TSPEAR: variants seen among roughly 807,000 people sequenced by gnomAD.
TSPEAR encodes the protein thrombospondin type laminin G domain and EAR repeats, also known as thrombospondin-type laminin G domain and EAR repeat-containing protein.
Under a neutral mutation model 71.6 loss-of-function variants are expected in TSPEAR, and 69 were observed. The observed-to-expected ratio is 0.96, with a 90% CI of 0.79 to 1.18. The LOEUF is 1.18. TSPEAR is among the 50% of genes most tolerant of loss of function. TSPEAR has a pLI of 0.00. For synonymous variants in TSPEAR, 402 were observed against 387.2 expected, an observed-to-expected ratio of 1.04 and a Z score of -0.45; for missense variants, 971 against 894.9, an observed-to-expected ratio of 1.09 and a Z score of -1.09.
chr21:44,550,776 G>T lies in TSPEAR; in HGVS notation c.304-16853C>A, dbSNP rs782450422. 7.4e-6 allele frequency: 12 copies of T among 1,614,224 alleles called. No individual in the cohort carries two copies. Among genetic ancestry groups the T allele is most frequent in the Non-Finnish European group, 1.0e-5 (12 of 1,180,034 alleles). On this transcript the variant is annotated intron_variant, in intron 2 of 11. Transcript: ENST00000323084. ...GCGGCAGAGGAGGGACACAGAGGAG[G>T]AGGGTCTGCAGCAGGAGGAGGTGCA...
chr21:44,700,314 G>A (rs1427607416), intron 1 of TSPEAR, among the ~76,000 whole-genome samples: 1 of 152,162 alleles, frequency 6.6e-6, no homozygotes, highest in Admixed American at 6.5e-5. Context: ...TGGGTGTCAC[G>A]TGTGCTTGGC....
rs587675788 is a variant in TSPEAR at position 44,656,675 on chromosome 21, G to T, written c.82+54758C>A. ...TTTCTTTGTGTTGATCCTCCTAAAG[G>T]TTCTGAGATTCTTGGGTCTGTAAGT... On this transcript the variant is annotated intron_variant, in intron 1 of 11. Coordinates refer to ENST00000323084, the MANE Select transcript of TSPEAR (RefSeq NM_144991.3). Among the ~76,000 whole-genome samples the T allele has an allele frequency of 1.2e-4, 19 of 152,178 alleles. No homozygotes were observed. In the South Asian group the frequency reaches 3.3e-3, roughly 27 times the overall value.
chr21:44,623,176 G>C lies in TSPEAR; in HGVS notation c.83-55171C>G, dbSNP rs368929923. Among the ~76,000 whole-genome samples, 1 of 152,162 alleles carries C rather than the reference G, an allele frequency of 6.6e-6. No individual in the cohort carries two copies. On this transcript the variant is annotated intron_variant, in intron 1 of 11. Transcript: ENST00000323084. The surrounding 1 kb of genome is among the most constrained non-coding windows in gnomAD (Gnocchi z 4.5). ...CTCAAATATTTCTTTATAGCAATGC[G>C]AGACCAGCTTAACACAGTGAGGTTC...
intron 2 of TSPEAR, among the ~76,000 whole-genome samples, chr21:44,561,959 T>C (rs1353507927): frequency 1.3e-5 from 2 of 152,152 alleles, no homozygotes; most frequent in African/African-American, 4.8e-5. Context: ...CTATTCAACA[T>C]AGTATTAGAA....
intron 9 of TSPEAR, chr21:44,517,337 A>G (rs2052606367): frequency 6.2e-6 from 1 of 161,942 alleles, no homozygotes; most frequent in African/African-American, 2.4e-5. Context: ...CAGGGCTCCC[A>G]CAGGTCTCAG....
chr21:44,689,737 A>ATTTTTTTTTTTTT (rs1310914900), intron 1 of TSPEAR, among the ~76,000 whole-genome samples: 1 of 127,154 alleles, frequency 7.9e-6, no homozygotes, highest in African/African-American at 3.2e-5. Context: ...ATATATATAT[A>ATTTTTTTTTTTTT]TATTTTGGGG....
intron 1 of TSPEAR, among the ~76,000 whole-genome samples, chr21:44,614,878 T>A (rs1981970124): frequency 6.6e-6 from 1 of 152,098 alleles, no homozygotes; most frequent in South Asian, 2.1e-4. Context: ...ATGGACAGGC[T>A]ACTCCCACCC....
At position 44,598,212 on chromosome 21, in the gene TSPEAR, C is replaced by G. The variant is rs587636949; in HGVS notation, c.83-30207G>C. 3.3e-5 allele frequency among the ~76,000 whole-genome samples: 5 copies of G among 152,344 alleles called. 1 individual carries two copies. The highest frequency in any genetic ancestry group is 3.9e-4 in the East Asian group (2 of 5,192). ...TGGCTCTCTAGTTTCCCGTAGATGA[C>G]CCCTTCCTCCTCTCCCGTCTCTCCC... On this transcript the variant is annotated intron_variant, in intron 1 of 11. Coordinates refer to ENST00000323084, the MANE Select transcript of TSPEAR (RefSeq NM_144991.3).
At chr21:44,548,252 A>G (rs1164327174) in intron 2 of TSPEAR, among the ~76,000 whole-genome samples, 2 of 152,214 alleles carry the variant, frequency 1.3e-5, no homozygotes, top group Non-Finnish European at 2.9e-5. Flanking sequence ...CCCACATCAG[A>G]AACTCGGGCT....
rs587759051 is a variant in TSPEAR, at chr21:44,620,001, T to C, written c.83-51996A>G. ...AAACTTCCAGAATTGAGGAAACACA[T>C]CAATCTAACTCAGAGGGATTCACAT... On this transcript the variant is annotated intron_variant, in intron 1 of 11. Transcript: ENST00000323084. Among the ~76,000 whole-genome samples the C allele has an allele frequency of 2.6e-5, 4 of 152,326 alleles. No individual in the cohort carries two copies. The South Asian group carries it at 8.3e-4, about 32-fold the overall frequency.
At chr21:44,511,464 A>ATACACATGTATACC (rs2052376560) in intron 9 of TSPEAR, among the ~76,000 whole-genome samples, 1 of 152,230 alleles carries the variant, frequency 6.6e-6, no homozygotes, top group Non-Finnish European at 1.5e-5. Context: ...TCATGTATAC[A>ATACACATGTATACC]TACACATGTA....
At chr21:44,600,937 C>T in intron 1 of TSPEAR, 2 of 1,612,298 alleles carry the variant, frequency 1.2e-6, no homozygotes, top group Non-Finnish European at 1.7e-6. Context: ...CTCCCCCTGC[C>T]AGCAGGCCTG....
chr21:44,529,343 C>T (rs11911873), intron 5 of TSPEAR, among the ~76,000 whole-genome samples: 6,261 of 152,196 alleles, frequency 0.041, 439 homozygotes, highest in African/African-American at 0.14. Context: ...GCCGGGGGAT[C>T]GTGGAAGACG....
At chr21:44,647,855 G>A (rs1424132987) in intron 1 of TSPEAR, among the ~76,000 whole-genome samples, 3 of 152,380 alleles carry the variant, frequency 2.0e-5, no homozygotes, top group Admixed American at 6.5e-5. Flanking sequence ...CACAGGGGAT[G>A]AGCCTCCAAG....
chr21:44,647,960 G>A (rs1358391291), intron 1 of TSPEAR, among the ~76,000 whole-genome samples: 1 of 152,218 alleles, frequency 6.6e-6, no homozygotes, highest in Non-Finnish European at 1.5e-5. Flanking sequence ...CCAAGCTAAA[G>A]CTGAGTCGGG....
intron 1 of TSPEAR, among the ~76,000 whole-genome samples, chr21:44,590,034 G>A (rs1555926221): frequency 2.6e-5 from 4 of 152,208 alleles, no homozygotes; most frequent in South Asian, 2.1e-4. Context: ...TTTGGCCTCC[G>A]GCCCTGGGGA....
intron 1 of TSPEAR, among the ~76,000 whole-genome samples, chr21:44,609,354 T>C (rs1240230152): frequency 5.3e-5 from 8 of 152,154 alleles, no homozygotes; most frequent in African/African-American, 1.7e-4. Flanking sequence ...ATGCTATGGC[T>C]CAAAAATATA....
chr21:44,694,815 G>A (rs974847211), intron 1 of TSPEAR, among the ~76,000 whole-genome samples: 2 of 152,190 alleles, frequency 1.3e-5, no homozygotes, highest in East Asian at 1.9e-4. Flanking sequence ...CGAGTAGCTC[G>A]TGGAGGAAGT....
chr21:44,677,433 G>T, intron 1 of TSPEAR: 1 of 942,128 alleles, frequency 1.1e-6, no homozygotes, highest in Non-Finnish European at 1.7e-6. Flanking sequence ...GACATTTGCA[G>T]TTTGCCTCAG....
Sources: allele counts gnomAD v4.1 joint callset (sites outside exome capture counted in the v4.1 genomes callset), GRCh38; gene constraint gnomAD v4.1.1; non-coding constraint Gnocchi (gnomAD v3.1); transcripts MANE v1.5; gene names NCBI Gene and HGNC (gene_info 2026-07-23, HGNC 2026-07-21).